OTUD7B: variants seen among roughly 807,000 people sequenced by gnomAD.
OTUD7B encodes OTU deubiquitinase 7B.
In OTUD7B, 34 loss-of-function variants were observed where a neutral mutation model predicts 82.2. The observed-to-expected ratio is 0.41, with a 90% CI of 0.31 to 0.55. OTUD7B has a LOEUF of 0.55. Among genes scored for constraint, OTUD7B ranks in the 20% least tolerant of loss-of-function variants. The pLI, the probability that OTUD7B is intolerant of heterozygous loss-of-function variation, is 0.20. For missense variants in OTUD7B, 944 were observed against 1,062.1 expected (o/e 0.89, Z 1.55); for synonymous variants, 398 against 402.7 (o/e 0.99, Z 0.14).
intron 1 of OTUD7B, among the ~76,000 whole-genome samples, chr1:149,986,234 C>T (rs996861580): frequency 4.8e-5 from 7 of 145,186 alleles, no homozygotes; most frequent in African/African-American, 1.1e-4. Flanking sequence ...GTATGGTACC[C>T]CATCACACAC....
chr1:149,978,194 G>C (rs186729820), intron 1 of OTUD7B, among the ~76,000 whole-genome samples: 177 of 152,266 alleles, frequency 1.2e-3, no homozygotes, highest in African/African-American at 4.1e-3. Flanking sequence ...GGAGTAAACT[G>C]ATAGCTAAAA....
At chr1:150,030,160 G>A in the OTUD7B span, among the ~76,000 whole-genome samples, 4 of 152,120 alleles carry the variant, frequency 2.6e-5, no homozygotes, top group Admixed American at 1.3e-4. Flanking sequence ...CTTCAGTCAC[G>A]ATTCTAAACT....
intron 3 of OTUD7B, among the ~76,000 whole-genome samples, chr1:149,968,675 T>G (rs1649687721): frequency 6.6e-6 from 1 of 152,216 alleles, no homozygotes; most frequent in African/African-American, 2.4e-5. Flanking sequence ...TAAAGTTATC[T>G]TATAGTGATG....
intron 1 of OTUD7B, among the ~76,000 whole-genome samples, chr1:149,988,178 C>A (rs1651285176): frequency 6.6e-6 from 1 of 152,000 alleles, no homozygotes; most frequent in Non-Finnish European, 1.5e-5. Flanking sequence ...TGTCTACTTT[C>A]TCCCCCTAAG....
At chr1:150,024,790 G>C in the OTUD7B span, among the ~76,000 whole-genome samples, 1 of 152,212 alleles carries the variant, frequency 6.6e-6, no homozygotes. Flanking sequence ...GCTCACGCCT[G>C]TAATCCCAGC....
At chr1:150,039,502 C>T in the OTUD7B span, among the ~76,000 whole-genome samples, 1 of 152,072 alleles carries the variant, frequency 6.6e-6, no homozygotes, top group Admixed American at 6.6e-5. Context: ...CTCGGCCTCC[C>T]AGTAGCTGGG....
intron 3 of OTUD7B, among the ~76,000 whole-genome samples, chr1:149,969,193 C>T (rs904807550): frequency 2.0e-5 from 3 of 151,970 alleles, no homozygotes; most frequent in Admixed American, 6.6e-5. Flanking sequence ...TGAGGTGGTG[C>T]GTGCCCATGC....
chr1:150,000,149 T>C (rs1017867861), intron 1 of OTUD7B, among the ~76,000 whole-genome samples: 8 of 151,996 alleles, frequency 5.3e-5, no homozygotes, highest in African/African-American at 1.9e-4. Flanking sequence ...ACTTTAAGAA[T>C]GGGTAAGTTT....
chr1:150,015,157 A>G (rs1653229335), upstream of OTUD7B, among the ~76,000 whole-genome samples: 1 of 152,132 alleles, frequency 6.6e-6, no homozygotes, highest in Non-Finnish European at 1.5e-5. Context: ...AAATGAAAGC[A>G]TTGCTTTGGT....
chr1:149,944,298 A>C lies in OTUD7B; in HGVS notation c.2091T>G (p.Thr697=). ...AFSTGYPGDF[T]IPRPSGGGVH... ...CTCCGCCCCCAGACGGCCGAGGGAT[A>C]GTAAAGTCCCCAGGGTAGCCAGTGG... Residue 697 remains threonine (T), a synonymous_variant, in exon 12 of 12, where the codon ACT becomes ACG. Coordinates refer to ENST00000581312, the MANE Select transcript of OTUD7B (RefSeq NM_020205.4). 1 of 1,610,840 alleles carries C rather than the reference A, an allele frequency of 6.2e-7. No homozygotes were observed. The highest frequency in any genetic ancestry group is 8.5e-7 in the Non-Finnish European group (1 of 1,178,028).
chr1:149,978,228 C>T (rs1650458760), intron 1 of OTUD7B, among the ~76,000 whole-genome samples: 1 of 152,134 alleles, frequency 6.6e-6, no homozygotes, highest in Admixed American at 6.5e-5. Context: ...AGTATTAGGC[C>T]AGGTGCGGTG....
Position 149,941,025 on chromosome 1 carries a change from T to C in OTUD7B, c.*2832A>G, listed in dbSNP as rs192510135. The C allele has an allele frequency of 6.6e-6, 1 of 152,234 alleles. No homozygotes were observed. The highest frequency in any genetic ancestry group is 1.5e-5 in the Non-Finnish European group (1 of 68,024). 9.4% of individuals were successfully genotyped at this position (152,234 alleles called of 1,614,324 possible). ...TTACCCTCCCAAATAAAAAAAATAA[T>C]TTATTTCTTAATAAAAAGCTATAAG... On this transcript the variant is annotated 3_prime_UTR_variant, in exon 12 of 12. Transcript: ENST00000581312.
chr1:150,011,301 C>G (rs1415491503), upstream of OTUD7B, among the ~76,000 whole-genome samples: 1 of 152,122 alleles, frequency 6.6e-6, no homozygotes, highest in Non-Finnish European at 1.5e-5. Flanking sequence ...AAAAAACTTA[C>G]ATAGTGCGTT....
the OTUD7B span, among the ~76,000 whole-genome samples, chr1:150,051,794 C>G: frequency 6.6e-6 from 1 of 152,048 alleles, no homozygotes; most frequent in Non-Finnish European, 1.5e-5. Context: ...TAGTGTCCTA[C>G]ATTAAAGACA....
intron 1 of OTUD7B, among the ~76,000 whole-genome samples, chr1:149,978,479 A>T (rs78077162): frequency 0.034 from 5,109 of 152,304 alleles, 191 homozygotes; most frequent in East Asian, 0.13. Flanking sequence ...ACTTCACTCC[A>T]GCCTGGTCAA....
chr1:149,989,471 C>A (rs1316834917), intron 1 of OTUD7B, among the ~76,000 whole-genome samples: 5,469 of 112,140 alleles, frequency 0.049, no homozygotes, highest in Middle Eastern at 0.093. Context: ...AGACTCTGTC[C>A]AAAAAAAAAA....
At chr1:149,994,496 G>A (rs926370871) in intron 1 of OTUD7B, among the ~76,000 whole-genome samples, 5 of 147,108 alleles carry the variant, frequency 3.4e-5, no homozygotes, top group African/African-American at 1.0e-4. Flanking sequence ...CAGGAGAATC[G>A]CTTGAACCTG....
intron 1 of OTUD7B, among the ~76,000 whole-genome samples, chr1:150,003,234 AGCAAGACTCT>A (rs1449430752): frequency 3.5e-5 from 5 of 143,720 alleles, no homozygotes; most frequent in African/African-American, 1.3e-4. Flanking sequence ...TGGGTGACAG[AGCAAGACTCT>A]GTCTCAAAAA....
chr1:149,957,653 G>A (rs185179373), intron 7 of OTUD7B, among the ~76,000 whole-genome samples: 2 of 152,344 alleles, frequency 1.3e-5, no homozygotes, highest in Non-Finnish European at 1.5e-5. Context: ...ACAGAGGCAG[G>A]CAGGCCTCCT....
Sources: gnomAD v4.1 joint callset for allele counts (sites outside exome capture counted in the v4.1 genomes callset) on GRCh38, gnomAD v4.1.1 for gene constraint, MANE v1.5 for transcripts, NCBI Gene and HGNC (gene_info 2026-07-23, HGNC 2026-07-21) for gene names.